CPA6: variants seen among roughly 807,000 people sequenced by gnomAD.
The protein encoded by CPA6 is carboxypeptidase B.
CPA6 carries 58 observed loss-of-function variants against 63.3 expected under a neutral mutation model. That is an observed-to-expected ratio of 0.92 (90% CI 0.74 to 1.14). The LOEUF is 1.14. Ranked by LOEUF, CPA6 falls within the 50% of genes most tolerant of loss-of-function variation. The pLI is 0.00. For missense variants in CPA6, 565 were observed against 526.6 expected (o/e 1.07, Z -0.71); for synonymous variants, 185 against 179.0 (o/e 1.03, Z -0.27).
chr8:67,742,322 A>G (rs1252834388), intron 1 of CPA6, among the ~76,000 whole-genome samples: 1 of 152,112 alleles, frequency 6.6e-6, no homozygotes, highest in Non-Finnish European at 1.5e-5. Flanking sequence ...TTGTTCTGAA[A>G]CTATCAGTTC....
At chr8:67,504,182 C>G (rs763186015) in intron 6 of CPA6, among the ~76,000 whole-genome samples, 5 of 152,112 alleles carry the variant, frequency 3.3e-5, no homozygotes, top group Non-Finnish European at 7.4e-5. Context: ...GCACATAACA[C>G]CTATGCAATC....
At chr8:67,638,371 T>C (rs994939801) in intron 1 of CPA6, among the ~76,000 whole-genome samples, 3 of 151,418 alleles carry the variant, frequency 2.0e-5, no homozygotes, top group Non-Finnish European at 4.4e-5. Flanking sequence ...CCAGCAGGAT[T>C]AGGAATGAAA....
chr8:67,541,179 CCTGAGGGAAT>C (rs1299048898), intron 2 of CPA6, among the ~76,000 whole-genome samples: 6 of 152,010 alleles, frequency 3.9e-5, no homozygotes, highest in African/African-American at 1.2e-4. Flanking sequence ...GATGTAGGCA[CCTGAGGGAAT>C]CTCCTGGTCT....
intron 8 of CPA6, among the ~76,000 whole-genome samples, chr8:67,449,323 G>A (rs547237636): frequency 9.2e-5 from 14 of 152,296 alleles, no homozygotes; most frequent in African/African-American, 2.9e-4. Context: ...GCTGTTCTAT[G>A]TGTCTATTCT....
At position 67,496,572 on chromosome 8, in the gene CPA6, T is replaced by TA. The variant is rs1328417876; in HGVS notation, c.636+10214_636+10215insT. Among the ~76,000 whole-genome samples, 181 of 143,714 alleles carry TA rather than the reference T, an allele frequency of 1.3e-3. 1 individual carries two copies. The highest frequency in any genetic ancestry group is 1.7e-3 in the Non-Finnish European group (114 of 65,852). 94.3% of individuals were successfully genotyped at this position (143,714 alleles called of 152,430 possible). A position where few individuals can be genotyped will look rare whatever the true frequency, so the allele number is the denominator to read the frequency against. On this transcript the variant is annotated intron_variant, in intron 6 of 10. Coordinates refer to ENST00000297770, the MANE Select transcript of CPA6 (RefSeq NM_020361.5). ...ATATATATATATTTATTTTATTTTT[T>TA]TTTTTTGAGATGGAGTGTCTCTCTG...
At chr8:67,469,529 C>T (rs1193033000) in intron 8 of CPA6, among the ~76,000 whole-genome samples, 1 of 152,058 alleles carries the variant, frequency 6.6e-6, no homozygotes, top group Non-Finnish European at 1.5e-5. Context: ...GCACTTGAAC[C>T]CAGGAGGCAG....
At chr8:67,430,171 G>GTGTATATA (rs1225024769) in intron 9 of CPA6, among the ~76,000 whole-genome samples, 22 of 104,880 alleles carry the variant, frequency 2.1e-4, no homozygotes, top group African/African-American at 8.8e-4. Flanking sequence ...GTGTGTGTGT[G>GTGTATATA]TATATATTTT....
intron 1 of CPA6, among the ~76,000 whole-genome samples, chr8:67,666,782 G>T (rs1423296669): frequency 6.6e-6 from 1 of 152,232 alleles, no homozygotes; most frequent in African/African-American, 2.4e-5. Context: ...AAAGGGAAGG[G>T]CCAAAACCGG....
Position 67,637,735 on chromosome 8 carries a change from A to G in CPA6, c.117-13484T>C, listed in dbSNP as rs566531847. The stretch of plus-strand genomic sequence containing the variant: ...GGCAACTGTTTCATAAACTACATAG[A>G]AAATATGTAGTAAAAAGGTTTAGCT... On this transcript the variant is annotated intron_variant, in intron 1 of 10. Transcript: ENST00000297770. Among the ~76,000 whole-genome samples, 155 of 151,562 alleles carry G rather than the reference A, an allele frequency of 1.0e-3. 1 individual carries two copies. The highest frequency in any genetic ancestry group is 1.9e-3 in the Non-Finnish European group (130 of 68,022).
chr8:67,677,877 T>TA (rs79541004), intron 1 of CPA6, among the ~76,000 whole-genome samples: 7,039 of 139,752 alleles, frequency 0.05, 318 homozygotes, highest in African/African-American at 0.12. Context: ...CAATAAAGCT[T>TA]AAAAAAAAAA....
At chr8:67,548,968 C>G (rs1371719708) in intron 2 of CPA6, among the ~76,000 whole-genome samples, 1 of 151,986 alleles carries the variant, frequency 6.6e-6, no homozygotes, top group Non-Finnish European at 1.5e-5. Flanking sequence ...GGACACAGTG[C>G]CTTGTGAGAC....
chr8:67,449,001 C>T (rs903263392), intron 8 of CPA6, among the ~76,000 whole-genome samples: 2 of 151,982 alleles, frequency 1.3e-5, no homozygotes, highest in Non-Finnish European at 2.9e-5. Context: ...CCTGTAATCC[C>T]AGCACTTTGG....
intron 8 of CPA6, among the ~76,000 whole-genome samples, chr8:67,478,969 T>G (rs1811300678): frequency 6.6e-6 from 1 of 152,086 alleles, no homozygotes. Context: ...TGCAGTAAAT[T>G]GAGATCACGT....
At chr8:67,565,136 T>A (rs1813304735) in intron 2 of CPA6, among the ~76,000 whole-genome samples, 1 of 151,808 alleles carries the variant, frequency 6.6e-6, no homozygotes, top group Non-Finnish European at 1.5e-5. Context: ...AGAGCAAGAA[T>A]TGGGACTATG....
At chr8:67,540,272 G>T (rs1812676795) in intron 2 of CPA6, among the ~76,000 whole-genome samples, 1 of 152,018 alleles carries the variant, frequency 6.6e-6, no homozygotes, top group South Asian at 2.1e-4. Context: ...CTCTTCTGCA[G>T]GTCTGCTGGA....
chr8:67,558,480 T>C (rs1001516927), intron 2 of CPA6, among the ~76,000 whole-genome samples: 5 of 152,238 alleles, frequency 3.3e-5, no homozygotes, highest in African/African-American at 7.2e-5. Flanking sequence ...TTCAGTGCTA[T>C]CTAAAATGTG....
rs1215875861 is a variant in CPA6 at position 67,518,067 on chromosome 8, C to T, written c.193-20G>A. ...GTCCACCTGTAGTGCAGGAACCAACCTATAATTCATATCCAACGTAGGGGG... is the reference window on the plus strand; with the variant it reads ...GTCCACCTGTAGTGCAGGAACCAACTTATAATTCATATCCAACGTAGGGGG... On this transcript the variant is annotated intron_variant, in intron 2 of 10. Coordinates refer to ENST00000297770, the MANE Select transcript of CPA6 (RefSeq NM_020361.5). 1.3e-6 allele frequency: 2 copies of T among 1,536,690 alleles called. No homozygotes were observed. The highest frequency in any genetic ancestry group is 1.7e-6 in the Non-Finnish European group (2 of 1,143,030).
chr8:67,647,072 C>T (rs2128990756), intron 1 of CPA6, among the ~76,000 whole-genome samples: 1 of 152,116 alleles, frequency 6.6e-6, no homozygotes, highest in African/African-American at 2.4e-5. Flanking sequence ...AGTTAGGAGA[C>T]AATTGACACA....
chr8:67,679,988 GAA>G (rs1816558682), intron 1 of CPA6, among the ~76,000 whole-genome samples: 1 of 152,156 alleles, frequency 6.6e-6, no homozygotes, highest in African/African-American at 2.4e-5. Flanking sequence ...AGGCACACAT[GAA>G]AAACTGACTT....
Sources: gnomAD v4.1 joint callset for allele counts (sites outside exome capture counted in the v4.1 genomes callset) on GRCh38, gnomAD v4.1.1 for gene constraint, MANE v1.5 for transcripts, NCBI Gene and HGNC (gene_info 2026-07-23, HGNC 2026-07-21) for gene names.